The following DZIP3 variants were observed in gnomAD, a reference collection of about 807,000 sequenced individuals.
The protein encoded by DZIP3 is DAZ interacting zinc finger protein 3, also known as E3 ubiquitin-protein ligase DZIP3.
DZIP3 carries 118 observed loss-of-function variants against 162.0 expected under a neutral mutation model. That is an observed-to-expected ratio of 0.73 (90% CI 0.63 to 0.85). The LOEUF (loss-of-function observed/expected upper bound fraction) is 0.85. Ranked by LOEUF, DZIP3 falls within the 40% of genes least tolerant of loss-of-function variation. The pLI, the probability that DZIP3 is intolerant of heterozygous loss-of-function variation, is 0.00. For synonymous variants in DZIP3, 438 were observed against 458.6 expected (o/e 0.96, Z 0.57); for missense variants, 1,331 against 1,407.0 (o/e 0.95, Z 0.86).
intron 4 of DZIP3, among the ~76,000 whole-genome samples, chr3:108,615,092 T>G (rs1940931541): frequency 6.6e-6 from 1 of 152,198 alleles, no homozygotes; most frequent in Admixed American, 6.5e-5. Context: ...GCAAATCTGC[T>G]GAAGGCTGTG....
chr3:108,669,345 A>G (rs1438806065), intron 21 of DZIP3, among the ~76,000 whole-genome samples: 1 of 151,930 alleles, frequency 6.6e-6, no homozygotes, highest in African/African-American at 2.4e-5. Context: ...AGAAGATACC[A>G]TCTCTGTTTT....
In DZIP3 at chr3:108,674,300, T is replaced by G. The variant is rs544106922; in HGVS notation, c.2693+119T>G. On this transcript the variant is annotated intron_variant, in intron 24 of 32. Coordinates refer to ENST00000361582, the MANE Select transcript of DZIP3 (RefSeq NM_014648.4). ...GTGACATCAGAGTTCTTAAAGAAGC[T>G]CTTGTGGTTTTTTTGGGTTTTTTTT... is the stretch of plus-strand genomic sequence containing the variant. 1.3e-5 allele frequency: 10 copies of G among 795,760 alleles called. No homozygotes were observed. The South Asian group carries it at 2.5e-4, about 20-fold the overall frequency. The allele number at this position is 795,760 out of a possible 1,614,324, so 49.3% of individuals were successfully genotyped here.
chr3:108,634,838 C>T (rs780315369), intron 9 of DZIP3, 33 bp from the exon 10 acceptor site: 12 of 1,398,118 alleles, frequency 8.6e-6, no homozygotes, highest in Non-Finnish European at 1.2e-5. Flanking sequence ...ATCACCATGT[C>T]CTTATTGATA....
intron 12 of DZIP3, among the ~76,000 whole-genome samples, chr3:108,640,992 G>C (rs1942377075): frequency 6.6e-6 from 1 of 151,094 alleles, no homozygotes; most frequent in Non-Finnish European, 1.5e-5. Flanking sequence ...TAATTTATAT[G>C]GTTGGAAATC....
intron 26 of DZIP3, among the ~76,000 whole-genome samples, chr3:108,678,308 A>T (rs1248332916): frequency 6.6e-6 from 1 of 151,918 alleles, no homozygotes. Context: ...ACTAGAAATA[A>T]AGTGCACAAT....
chr3:108,629,439 A>C (rs1406042406), intron 8 of DZIP3, among the ~76,000 whole-genome samples: 1 of 152,172 alleles, frequency 6.6e-6, no homozygotes. Context: ...TGTAGCTGTT[A>C]ACTTTTTTTC....
rs780889904 is a variant in DZIP3, at chr3:108,605,430, T to C, written c.24T>C (p.Phe8=). 4 of 1,613,306 alleles carry C rather than the reference T, an allele frequency of 2.5e-6. No individual in the cohort carries two copies. In the South Asian group the frequency reaches 4.4e-5, roughly 18 times the overall value. MDSLPDE[F]FVRHPAVEDQ... ...GCATGGATTCTCTACCAGATGAATT[T>C]TTTGTGAGGTAAGGCCACAGTCCCC... Residue 8 remains phenylalanine (F), a synonymous_variant, in exon 2 of 33, where the codon TTT becomes TTC. Transcript: ENST00000361582.
intron 19 of DZIP3, among the ~76,000 whole-genome samples, chr3:108,661,047 C>T (rs1943403717): frequency 6.6e-6 from 1 of 152,164 alleles, no homozygotes; most frequent in African/African-American, 2.4e-5. Flanking sequence ...GGACTGTAAA[C>T]TAGGTCAACC....
At chr3:108,659,086 C>A (rs1943290587) in intron 19 of DZIP3, among the ~76,000 whole-genome samples, 2 of 152,192 alleles carry the variant, frequency 1.3e-5, no homozygotes, top group Non-Finnish European at 2.9e-5. Flanking sequence ...GGTACCATTC[C>A]TTCCGAAACT....
At chr3:108,646,528 A>G in intron 14 of DZIP3, 89 bp from the exon 15 acceptor site, 3 of 891,254 alleles carry the variant, frequency 3.4e-6, no homozygotes, top group East Asian at 2.5e-5. Flanking sequence ...AATTGGTGCA[A>G]TATAAAAATA....
At chr3:108,615,255 C>T (rs1158467972) in intron 4 of DZIP3, among the ~76,000 whole-genome samples, 2 of 152,086 alleles carry the variant, frequency 1.3e-5, no homozygotes, top group African/African-American at 4.8e-5. Context: ...TATATCTTGT[C>T]CCGTTGTTTT....
At chr3:108,592,835 G>T (rs1341769514) in intron 1 of DZIP3, among the ~76,000 whole-genome samples, 1 of 151,828 alleles carries the variant, frequency 6.6e-6, no homozygotes, top group African/African-American at 2.4e-5. Context: ...ATAGAGATTG[G>T]TTTACTTAGA....
rs1485521171 is a variant in DZIP3, at chr3:108,636,516, TCTAGCAACATTTG to T, written c.919-97_919-85del. ...AATATTCACATCTTCCAGTTTACTG[TCTAGCAACATTTG>T]CTTCTAACTACATTTATTTAAATAT... On this transcript the variant is annotated intron_variant, in intron 10 of 32. Coordinates refer to ENST00000361582, the MANE Select transcript of DZIP3 (RefSeq NM_014648.4). 5.5e-6 allele frequency: 4 copies of T among 729,962 alleles called. No homozygotes were observed. The African/African-American group carries it at 5.6e-5, about 10-fold the overall frequency. The allele number at this position is 729,962 out of a possible 1,614,324, so 45.2% of individuals were successfully genotyped here. A position where few individuals can be genotyped will look rare whatever the true frequency, so the allele number is the denominator to read the frequency against.
intron 22 of DZIP3, among the ~76,000 whole-genome samples, chr3:108,671,569 T>A (rs1943927861): frequency 6.6e-6 from 1 of 151,944 alleles, no homozygotes; most frequent in African/African-American, 2.4e-5. Flanking sequence ...ACTGTAGGGT[T>A]TGCTTTCATT....
intron 13 of DZIP3, 59 bp from the exon 14 acceptor site, chr3:108,644,105 A>C (rs767466054): frequency 6.6e-7 from 1 of 1,523,296 alleles, no homozygotes; most frequent in Non-Finnish European, 8.7e-7. Context: ...AATGTGAGAG[A>C]CCAAATAGAA....
intron 18 of DZIP3, among the ~76,000 whole-genome samples, chr3:108,653,507 G>GTATATATATA (rs57047978): frequency 0.031 from 3,211 of 103,420 alleles, 119 homozygotes; most frequent in Non-Finnish European, 0.047. Context: ...GTGTGTGTGT[G>GTATATATATA]TATATATATA....
chr3:108,661,292 A>G (rs943053470), intron 19 of DZIP3, among the ~76,000 whole-genome samples: 2 of 152,222 alleles, frequency 1.3e-5, no homozygotes. Context: ...ACACCACGGA[A>G]TACTATGCAG....
At chr3:108,678,604 A>G (rs1346363006) in intron 26 of DZIP3, among the ~76,000 whole-genome samples, 2 of 152,108 alleles carry the variant, frequency 1.3e-5, no homozygotes, top group Admixed American at 1.3e-4. Flanking sequence ...GATCTTAATC[A>G]GATAAACTAA....
rs59012321 is a variant in DZIP3, at chr3:108,647,832, T to C, written c.1793-111T>C. ...TCGAGTAATTGAAAAGAGTAAGATA[T>C]ATTTTATTTCTGTTTTGTGAATGTT... is the stretch of plus-strand genomic sequence containing the variant. On this transcript the variant is annotated intron_variant, in intron 15 of 32. Coordinates refer to ENST00000361582, the MANE Select transcript of DZIP3 (RefSeq NM_014648.4). 3,141 of 812,502 alleles carry C rather than the reference T, an allele frequency of 3.9e-3. 73 individuals carry two copies. In the African/African-American group the frequency reaches 0.048, roughly 12 times the overall value. The allele number at this position is 812,502 out of a possible 1,614,324, so 50.3% of individuals were successfully genotyped here.
Sources: allele counts gnomAD v4.1 joint callset (sites outside exome capture counted in the v4.1 genomes callset), GRCh38; gene constraint gnomAD v4.1.1; transcripts MANE v1.5; gene names NCBI Gene and HGNC (gene_info 2026-07-23, HGNC 2026-07-21).